DSG3: variants seen among roughly 807,000 people sequenced by gnomAD.
DSG3 encodes the protein desmoglein-3.
DSG3 carries 63 observed loss-of-function variants against 85.9 expected under a neutral mutation model. The observed-to-expected ratio is 0.73, with a 90% CI of 0.60 to 0.90. The LOEUF (loss-of-function observed/expected upper bound fraction) is 0.90. Ranked by LOEUF, DSG3 falls within the 40% of genes least tolerant of loss-of-function variation. The pLI, the probability that DSG3 is intolerant of heterozygous loss-of-function variation, is 0.00. For synonymous variants in DSG3, 447 were observed against 441.9 expected, an observed-to-expected ratio of 1.01 and a Z score of -0.14; for missense variants, 1,220 against 1,219.9, an observed-to-expected ratio of 1.00 and a Z score of 0.00.
intron 10 of DSG3, among the ~76,000 whole-genome samples, chr18:31,465,837 A>G (rs1180120018): frequency 2.0e-5 from 3 of 152,184 alleles, no homozygotes; most frequent in Non-Finnish European, 4.4e-5. Flanking sequence ...ATGTACTTTT[A>G]TCATTGAACA....
intron 12 of DSG3, among the ~76,000 whole-genome samples, chr18:31,470,445 A>G (rs893203164): frequency 1.3e-5 from 2 of 152,148 alleles, no homozygotes; most frequent in African/African-American, 2.4e-5. Context: ...CTCCAAAAGC[A>G]TTTACTATTC....
chr18:31,450,869 G>A (rs1046025297), intron 1 of DSG3, among the ~76,000 whole-genome samples: 1 of 152,140 alleles, frequency 6.6e-6, no homozygotes, highest in Non-Finnish European at 1.5e-5. Context: ...TAGTAATGGG[G>A]TAATTCTTGA....
Position 31,466,637 on chromosome 18 carries a change from C to T in DSG3, c.1519C>T (p.Pro507Ser), listed in dbSNP as rs561268376. 13 of 1,614,212 alleles carry T rather than the reference C, an allele frequency of 8.1e-6. No individual in the cohort carries two copies. The highest frequency in any genetic ancestry group is 8.0e-5 in the African/African-American group (6 of 75,064). Reference sequence around the variant, plus strand: ...AAAAGATGCAGTTTGCAGTTCTTCACCTTCCGTGGTTGTCTCCGCTAGAAC... The same window carrying T: ...AAAAGATGCAGTTTGCAGTTCTTCATCTTCCGTGGTTGTCTCCGCTAGAAC... ...LEKDAVCSSS[P>S]SVVVSARTLN... The change falls in exon 11 of 16, where the codon CCT becomes TCT. Residue 507 changes from proline (P) to serine (S), a missense_variant. By Grantham distance (74) the Pro-to-Ser change is moderately conservative. Coordinates refer to ENST00000257189, the MANE Select transcript of DSG3 (RefSeq NM_001944.3).
chr18:31,460,032 G>T (rs530389967), intron 6 of DSG3, 21 bp downstream of exon 6: 2 of 1,592,876 alleles, frequency 1.3e-6, no homozygotes, highest in Admixed American at 1.7e-5. Context: ...GCACTTGGGG[G>T]AACATTCAAG....
intron 1 of DSG3, among the ~76,000 whole-genome samples, chr18:31,455,370 A>G (rs1426524877): frequency 6.6e-6 from 1 of 152,114 alleles, no homozygotes; most frequent in Non-Finnish European, 1.5e-5. Flanking sequence ...GGATTAGCAA[A>G]TACTTGTTAA....
intron 15 of DSG3, among the ~76,000 whole-genome samples, chr18:31,474,760 T>C (rs966644402): frequency 2.2e-4 from 34 of 151,988 alleles, no homozygotes; most frequent in African/African-American, 7.7e-4. Flanking sequence ...GTCTCTAAAA[T>C]AAACAAATTA....
At position 31,476,029 on chromosome 18, in the gene DSG3, T is replaced by G. The variant is rs2072885107; in HGVS notation, c.2769T>G (p.Pro923=). Residue 923 remains proline, a synonymous_variant, in exon 16 of 16, where the codon CCT becomes CCG. Coordinates refer to ENST00000257189, the MANE Select transcript of DSG3 (RefSeq NM_001944.3). ...CTGTCCAGCCAGCTGTTTCCATCCC[T>G]GACCCTCTGCAGCATGGTAACTATT... ...SGSVQPAVSI[P]DPLQHGNYLV... The G allele has an allele frequency of 1.9e-6, 3 of 1,614,256 alleles. No individual in the cohort carries two copies. The highest frequency in any genetic ancestry group is 2.5e-6 in the Non-Finnish European group (3 of 1,180,054).
intron 11 of DSG3, 126 bp from the exon 12 acceptor site, chr18:31,468,963 A>C: frequency 7.2e-7 from 1 of 1,390,072 alleles, no homozygotes; most frequent in Non-Finnish European, 9.9e-7. Context: ...CAACCTTCAA[A>C]ACTGTGAGAA....
intron 1 of DSG3, 55 bp downstream of exon 1, chr18:31,447,980 A>C (rs1568083686): frequency 1.5e-6 from 2 of 1,370,636 alleles, no homozygotes; most frequent in Non-Finnish European, 2.0e-6. Flanking sequence ...TCCCTTGTTA[A>C]AGAATATTAT....
rs2072895958 is a variant in DSG3 at position 31,477,440 on chromosome 18, T to TAA, written c.*1180_*1181insAA. ...TGTAGGAATACAAAACATGGCCTTT[T>TAA]TTATAAGCAAAACGGGCCAATGACT... On this transcript the variant is annotated 3_prime_UTR_variant, in exon 16 of 16. Transcript: ENST00000257189. The TAA allele has an allele frequency of 6.6e-6, 1 of 152,228 alleles. No individual in the cohort carries two copies. Among genetic ancestry groups the TAA allele is most frequent in the African/African-American group, 2.4e-5 (1 of 41,462 alleles). The allele number at this position is 152,228 out of a possible 1,614,324, so 9.4% of individuals were successfully genotyped here.
chr18:31,472,618 C>T, intron 13 of DSG3, 107 bp from the exon 14 acceptor site: 2 of 1,320,902 alleles, frequency 1.5e-6, no homozygotes, highest in Non-Finnish European at 2.1e-6. Context: ...AGAATTTGCA[C>T]TTCTTGTAAT....
At chr18:31,466,458 T>A (rs2072818754) in intron 10 of DSG3, 72 bp from the exon 11 acceptor site, 1 of 1,338,622 alleles carries the variant, frequency 7.5e-7, no homozygotes, top group African/African-American at 1.4e-5. Context: ...AAAAGAGAAA[T>A]GTAAAAGATT....
rs556581072 is a variant in DSG3, at chr18:31,460,467, C to G, written c.685-366C>G. Reference sequence around the variant, plus strand: ...TCTCCTTCTCCAATCCCCCTCATTACCTACCACCACCACCTTCTATCTCCA... The same window carrying G: ...TCTCCTTCTCCAATCCCCCTCATTAGCTACCACCACCACCTTCTATCTCCA... On this transcript the variant is annotated intron_variant, in intron 6 of 15. Transcript: ENST00000257189. 3.3e-5 allele frequency among the ~76,000 whole-genome samples: 5 copies of G among 152,266 alleles called. No homozygotes were observed. The South Asian group carries it at 1.0e-3, about 32-fold the overall frequency.
rs143575814 is a variant in DSG3, at chr18:31,459,151, G to A, written c.491G>A (p.Gly164Asp). The A allele has an allele frequency of 2.4e-5, 38 of 1,612,356 alleles. No individual in the cohort carries two copies. The highest frequency in any genetic ancestry group is 3.1e-5 in the Non-Finnish European group (36 of 1,179,812). The part of the protein sequence containing the change: ...PPVFSQQIFM[G>D]EIEENSASNS... Reference sequence around the variant, plus strand: ...GTATTTTCACAACAAATTTTCATGGGTGAAATTGAAGAAAATAGTGCCTCA... The same window carrying A: ...GTATTTTCACAACAAATTTTCATGGATGAAATTGAAGAAAATAGTGCCTCA... The change falls in exon 5 of 16, where the codon GGT (glycine) becomes GAT (aspartate). Residue 164 changes from glycine (G) to aspartate (D), a missense_variant. Coordinates refer to ENST00000257189, the MANE Select transcript of DSG3 (RefSeq NM_001944.3).
chr18:31,464,266 T>G lies in DSG3; in HGVS notation c.1155T>G (p.Pro385=), dbSNP rs775771731. 3 of 1,614,176 alleles carry G rather than the reference T, an allele frequency of 1.9e-6. No individual in the cohort carries two copies. The highest frequency in any genetic ancestry group is 2.5e-6 in the Non-Finnish European group (3 of 1,180,018). ...TAAGAGAAGGAATTGCATTCCGTCC[T>G]GCTTCCAAGACATTTACTGTGCAAA... is the stretch of plus-strand genomic sequence containing the variant. ...INVREGIAFR[P]ASKTFTVQKG... is the part of the protein sequence containing the mutation. The change falls in exon 9 of 16, where the codon CCT becomes CCG. Residue 385 remains proline, a synonymous_variant. Coordinates refer to ENST00000257189, the MANE Select transcript of DSG3 (RefSeq NM_001944.3).
In DSG3 at chr18:31,469,115, G is replaced by C. The variant is rs376204787; in HGVS notation, c.1663G>C (p.Glu555Gln). 5.6e-6 allele frequency: 9 copies of C among 1,614,132 alleles called. No homozygotes were observed. In the African/African-American group the frequency reaches 1.1e-4, roughly 19 times the overall value. Residue 555 changes from glutamate to glutamine, a missense_variant, in exon 12 of 16, where the codon GAA (glutamate) becomes CAA (glutamine). Physicochemically the swap from Glu to Gln is conservative, Grantham distance 29. Transcript: ENST00000257189. The part of the protein sequence containing the change: ...NATSALLRAQ[E>Q]QIPPGVYHIS... ...TACCTCGGCCCTCCTCAGAGCCCAG[G>C]AACAGATACCTCCTGGAGTATACCA...
At chr18:31,457,584 T>C (rs201498791) in intron 3 of DSG3, among the ~76,000 whole-genome samples, 1,343 of 24,596 alleles carry the variant, frequency 0.055, 8 homozygotes, top group East Asian at 0.19. Flanking sequence ...TTTCTTTCTT[T>C]CTTCTTTCTT....
At position 31,465,294 on chromosome 18, in the gene DSG3, G is replaced by T. The variant is rs1460595; in HGVS notation, c.1272-24G>T. 15 of 1,365,060 alleles carry T rather than the reference G, an allele frequency of 1.1e-5. No individual in the cohort carries two copies. In the African/African-American group the frequency reaches 1.5e-4, roughly 14 times the overall value. 84.6% of individuals were successfully genotyped at this position (1,365,060 alleles called of 1,614,324 possible). On this transcript the variant is annotated intron_variant, in intron 9 of 15. Transcript: ENST00000257189. ...AACATTCCACATTTGAAAGAAAACT[G>T]ATTTTTTTAATATTATGAAACAGAT...
intron 1 of DSG3, among the ~76,000 whole-genome samples, chr18:31,454,931 A>C (rs938040746): frequency 1.3e-5 from 2 of 151,758 alleles, no homozygotes; most frequent in East Asian, 3.9e-4. Context: ...CCGGGAGACG[A>C]AGCTTACATT....
Sources: gnomAD v4.1 joint callset for allele counts (sites outside exome capture counted in the v4.1 genomes callset) on GRCh38, gnomAD v4.1.1 for gene constraint, MANE v1.5 for transcripts, NCBI Gene and HGNC (gene_info 2026-07-23, HGNC 2026-07-21) for gene names.